The following CSMD1 variants were observed in gnomAD, a reference collection of about 807,000 sequenced individuals.
CSMD1 encodes the protein CUB and Sushi multiple domains 1, also known as CUB and sushi domain-containing protein 1.
Under a neutral mutation model 417.5 loss-of-function variants are expected in CSMD1, and 213 were observed. That is an observed-to-expected ratio of 0.51 (90% CI 0.46 to 0.57). CSMD1 has a LOEUF of 0.57. CSMD1 is among the 20% of genes least tolerant of loss of function. The pLI, the probability that CSMD1 is intolerant of heterozygous loss-of-function variation, is 0.00. For synonymous variants in CSMD1, 2,862 were observed against 1,736.8 expected (o/e 1.65, Z -16.11); for missense variants, 6,923 against 4,529.7 (o/e 1.53, Z -15.17).
chr8:3,564,260 A>G (rs1799598845), intron 10 of CSMD1, among the ~76,000 whole-genome samples: 1 of 152,108 alleles, frequency 6.6e-6, no homozygotes, highest in African/African-American at 2.4e-5. Context: ...CCCTAACTTA[A>G]GCAACTTTTA....
At chr8:4,740,495 T>G (rs1015914956) in intron 1 of CSMD1, among the ~76,000 whole-genome samples, 1 of 152,156 alleles carries the variant, frequency 6.6e-6, no homozygotes, top group Non-Finnish European at 1.5e-5. Context: ...AGTGCAATGG[T>G]AAATGACAGA....
intron 10 of CSMD1, among the ~76,000 whole-genome samples, chr8:3,500,128 C>A (rs889233485): frequency 1.3e-5 from 2 of 152,158 alleles, no homozygotes; most frequent in African/African-American, 4.8e-5. Flanking sequence ...TACCTGCGCA[C>A]TTCACGTTCA....
At chr8:4,820,245 G>A (rs1043243255) in intron 1 of CSMD1, among the ~76,000 whole-genome samples, 53 of 152,110 alleles carry the variant, frequency 3.5e-4, no homozygotes, top group Admixed American at 3.1e-3. Context: ...GCGGTGACCC[G>A]ACTTCACAAA....
chr8:3,970,192 G>A (rs1291337228), intron 5 of CSMD1, among the ~76,000 whole-genome samples: 1 of 142,086 alleles, frequency 7.0e-6, no homozygotes, highest in East Asian at 2.4e-4. Flanking sequence ...TTGAACAAGG[G>A]ACTTTCTTTT....
At chr8:3,664,513 G>C (rs750188411) in intron 7 of CSMD1, among the ~76,000 whole-genome samples, 2 of 152,298 alleles carry the variant, frequency 1.3e-5, no homozygotes, top group African/African-American at 2.4e-5. Flanking sequence ...ATATCCTCCA[G>C]GATTGTATGC....
intron 3 of CSMD1, among the ~76,000 whole-genome samples, chr8:4,230,367 C>A (rs1197803111): frequency 6.6e-6 from 1 of 152,244 alleles, no homozygotes; most frequent in African/African-American, 2.4e-5. Context: ...ACTCTGGTGA[C>A]CTACCTGAGG....
chr8:3,106,222 C>CAA (rs71199537), intron 46 of CSMD1, among the ~76,000 whole-genome samples: 63,920 of 125,904 alleles, frequency 0.51, 16,077 homozygotes, highest in East Asian at 0.72. Context: ...CCCATTTCTA[C>CAA]AAAAAAAAAA....
At chr8:3,062,352 G>T (rs1158995241) in intron 49 of CSMD1, among the ~76,000 whole-genome samples, 1 of 152,120 alleles carries the variant, frequency 6.6e-6, no homozygotes, top group African/African-American at 2.4e-5. Context: ...GATAGAACTG[G>T]TCACACTGCT....
chr8:4,086,029 GT>G (rs1800400988), intron 3 of CSMD1, among the ~76,000 whole-genome samples: 2 of 152,060 alleles, frequency 1.3e-5, no homozygotes, highest in South Asian at 4.1e-4. Flanking sequence ...GTGTGGTCCT[GT>G]TTTCAACAAA....
At chr8:2,988,954 G>A (rs949183137) in intron 54 of CSMD1, among the ~76,000 whole-genome samples, 4 of 152,138 alleles carry the variant, frequency 2.6e-5, no homozygotes, top group Non-Finnish European at 4.4e-5. Context: ...AATGTGGGAT[G>A]GGGTCTCTGT....
At chr8:4,756,651 G>T (rs1811686906) in intron 1 of CSMD1, among the ~76,000 whole-genome samples, 1 of 152,086 alleles carries the variant, frequency 6.6e-6, no homozygotes, top group Non-Finnish European at 1.5e-5. Context: ...ACTTCGCCCT[G>T]GAGGATCAGA....
intron 3 of CSMD1, among the ~76,000 whole-genome samples, chr8:4,204,999 C>G (rs548790889): frequency 7.5e-4 from 114 of 152,174 alleles, no homozygotes; most frequent in Non-Finnish European, 1.3e-3. Context: ...AATAATTTAC[C>G]TCCAATTTTC....
At chr8:3,455,254 C>G (rs1203756470) in intron 12 of CSMD1, among the ~76,000 whole-genome samples, 2 of 152,070 alleles carry the variant, frequency 1.3e-5, no homozygotes, top group African/African-American at 4.8e-5. Context: ...GCCATGGGTT[C>G]AAACTTCCTC....
chr8:4,101,455 C>G lies in CSMD1; in HGVS notation c.416-69356G>C, dbSNP rs545448148. On this transcript the variant is annotated intron_variant, in intron 3 of 69. Transcript: ENST00000635120. ...GCACAGTTACCCTTGTGCTCTGACA[C>G]TGTCAAAACAAAAGGTCTCCATGGT... Among the ~76,000 whole-genome samples, 15 of 152,320 alleles carry G rather than the reference C, an allele frequency of 9.8e-5. No homozygotes were observed. In the East Asian group the frequency reaches 2.9e-3, roughly 29 times the overall value.
intron 5 of CSMD1, among the ~76,000 whole-genome samples, chr8:3,760,905 A>G (rs1257593363): frequency 6.6e-6 from 1 of 152,120 alleles, no homozygotes. Context: ...TATTACTTGG[A>G]GGAGACCAGT....
At chr8:4,575,563 G>C (rs921952507) in intron 2 of CSMD1, among the ~76,000 whole-genome samples, 6 of 152,158 alleles carry the variant, frequency 3.9e-5, no homozygotes, top group Non-Finnish European at 8.8e-5. Context: ...AACTCACTTT[G>C]AGACAGAAAG....
intron 49 of CSMD1, among the ~76,000 whole-genome samples, chr8:3,062,606 G>T (rs1018941180): frequency 1.3e-5 from 2 of 148,778 alleles, no homozygotes; most frequent in Admixed American, 6.7e-5. Flanking sequence ...GAGGATAATA[G>T]GATTGAGCGA....
chr8:4,574,189 C>G (rs1799025689), intron 2 of CSMD1, among the ~76,000 whole-genome samples: 3 of 152,096 alleles, frequency 2.0e-5, no homozygotes, highest in Admixed American at 1.3e-4. Context: ...CCTCTTGCAG[C>G]TAGCTCGGTA....
chr8:4,593,575 T>G (rs542076527), intron 2 of CSMD1, among the ~76,000 whole-genome samples: 12 of 152,262 alleles, frequency 7.9e-5, no homozygotes, highest in African/African-American at 2.9e-4. Flanking sequence ...TAATCACACT[T>G]CATAATGAAA....
Sources: allele counts gnomAD v4.1 joint callset (sites outside exome capture counted in the v4.1 genomes callset), GRCh38; gene constraint gnomAD v4.1.1; transcripts MANE v1.5; gene names NCBI Gene and HGNC (gene_info 2026-07-23, HGNC 2026-07-21).